Variants in LDLRAD3 observed in about 807,000 individuals in gnomAD.
LDLRAD3 encodes low density lipoprotein receptor class A domain containing 3.
Under a neutral mutation model 29.4 loss-of-function variants are expected in LDLRAD3, and 20 were observed. The ratio of observed to expected loss-of-function variants is 0.68; its 90% CI spans 0.48 to 0.99. LDLRAD3 has a LOEUF of 0.99. Ranked by LOEUF, LDLRAD3 falls within the 50% of genes least tolerant of loss-of-function variation. The probability of loss-of-function intolerance (pLI) is 0.00; values close to 1 mark genes in which losing one functional copy is unlikely to be tolerated. For missense variants in LDLRAD3, 420 were observed against 454.3 expected (o/e 0.92, Z 0.69); for synonymous variants, 157 against 192.7 (o/e 0.81, Z 1.53).
intron 3 of LDLRAD3, among the ~76,000 whole-genome samples, chr11:36,096,267 C>T (rs1853359660): frequency 6.6e-6 from 1 of 152,224 alleles, no homozygotes; most frequent in African/African-American, 2.4e-5. Context: ...GTCCTTGCAG[C>T]TGTGATCTCT....
chr11:36,214,058 C>G (rs112524817), intron 4 of LDLRAD3, among the ~76,000 whole-genome samples: 3 of 152,308 alleles, frequency 2.0e-5, no homozygotes, highest in African/African-American at 7.2e-5. Context: ...CCCGCTGTCC[C>G]TTCATTAAAT....
intron 4 of LDLRAD3, among the ~76,000 whole-genome samples, chr11:36,165,581 G>T (rs1162307562): frequency 6.6e-6 from 1 of 152,052 alleles, no homozygotes; most frequent in Non-Finnish European, 1.5e-5. Flanking sequence ...GGCAAGAAAT[G>T]GTATCTAATT....
At chr11:35,986,116 A>T (rs929943248) in intron 1 of LDLRAD3, among the ~76,000 whole-genome samples, 1 of 152,126 alleles carries the variant, frequency 6.6e-6, no homozygotes, top group Non-Finnish European at 1.5e-5. Flanking sequence ...ATCCAGGAAG[A>T]TCCAGATCCA....
intron 2 of LDLRAD3, among the ~76,000 whole-genome samples, chr11:36,071,960 G>A (rs1387558486): frequency 7.2e-5 from 11 of 152,188 alleles, no homozygotes; most frequent in Admixed American, 7.2e-4. Context: ...CCACGTGGTG[G>A]CAATTTGTTA....
At chr11:36,079,878 A>T (rs1565208231) in intron 2 of LDLRAD3, among the ~76,000 whole-genome samples, 2 of 152,224 alleles carry the variant, frequency 1.3e-5, no homozygotes, top group African/African-American at 4.8e-5. Flanking sequence ...AGGAAACTGA[A>T]GTCCACCAAA....
intron 4 of LDLRAD3, among the ~76,000 whole-genome samples, chr11:36,121,272 T>C (rs1252273955): frequency 6.6e-6 from 1 of 151,782 alleles, no homozygotes; most frequent in African/African-American, 2.4e-5. Flanking sequence ...TTTGCCTAAG[T>C]GAGAGTGATG....
chr11:36,079,194 C>T (rs1179592842), intron 2 of LDLRAD3, among the ~76,000 whole-genome samples: 1 of 152,226 alleles, frequency 6.6e-6, no homozygotes, highest in Non-Finnish European at 1.5e-5. Context: ...GCCATCAGTA[C>T]TATAGATACT....
chr11:36,174,676 C>G (rs1029741746), intron 4 of LDLRAD3, among the ~76,000 whole-genome samples: 1 of 152,192 alleles, frequency 6.6e-6, no homozygotes, highest in Admixed American at 6.5e-5. Flanking sequence ...TACCATCTCA[C>G]ACCAGTTAGA....
At chr11:36,154,953 C>G (rs947077947) in intron 4 of LDLRAD3, among the ~76,000 whole-genome samples, 10 of 152,152 alleles carry the variant, frequency 6.6e-5, no homozygotes, top group Non-Finnish European at 1.0e-4. Flanking sequence ...CCTTCCTGTC[C>G]TCTTTCCTTG....
intron 4 of LDLRAD3, among the ~76,000 whole-genome samples, chr11:36,162,836 C>T (rs893274974): frequency 1.3e-5 from 2 of 152,154 alleles, no homozygotes; most frequent in Non-Finnish European, 2.9e-5. Flanking sequence ...TTGCAGCTTC[C>T]CCCATCCCCT....
chr11:36,126,229 C>G (rs1457144570), intron 4 of LDLRAD3, among the ~76,000 whole-genome samples: 1 of 152,150 alleles, frequency 6.6e-6, no homozygotes, highest in African/African-American at 2.4e-5. Flanking sequence ...TGCCCGCCCC[C>G]TCATCACCTA....
chr11:36,100,147 C>G (rs1031245375), intron 4 of LDLRAD3, among the ~76,000 whole-genome samples: 1 of 152,056 alleles, frequency 6.6e-6, no homozygotes, highest in Admixed American at 6.5e-5. Flanking sequence ...CAGCCATCGG[C>G]GTTTTACTTA....
At chr11:36,031,929 A>G (rs1029492479) in intron 1 of LDLRAD3, among the ~76,000 whole-genome samples, 1 of 152,168 alleles carries the variant, frequency 6.6e-6, no homozygotes, top group African/African-American at 2.4e-5. Flanking sequence ...TTGTTTTCCC[A>G]CAGTGCTGGA....
At chr11:36,180,516 G>A (rs1590335740) in intron 4 of LDLRAD3, among the ~76,000 whole-genome samples, 1 of 152,258 alleles carries the variant, frequency 6.6e-6, no homozygotes, top group East Asian at 1.9e-4. Flanking sequence ...GGCGGGAGCT[G>A]GGGACAGCTG....
intron 1 of LDLRAD3, among the ~76,000 whole-genome samples, chr11:36,010,980 T>A (rs1355117665): frequency 1.3e-5 from 2 of 152,088 alleles, no homozygotes; most frequent in African/African-American, 4.8e-5. Context: ...TGATTTTGTA[T>A]TTTTAGTAGA....
At chr11:36,217,030 T>C (rs947079426) in intron 4 of LDLRAD3, among the ~76,000 whole-genome samples, 1 of 152,196 alleles carries the variant, frequency 6.6e-6, no homozygotes, top group African/African-American at 2.4e-5. Flanking sequence ...GTAAGTTACT[T>C]AACCTCTCTG....
intron 4 of LDLRAD3, among the ~76,000 whole-genome samples, chr11:36,131,223 G>A (rs1029762264): frequency 5.9e-5 from 9 of 152,218 alleles, no homozygotes; most frequent in Non-Finnish European, 1.0e-4. Flanking sequence ...GTGCTTAAAC[G>A]AGCTGTCTTG....
intron 1 of LDLRAD3, among the ~76,000 whole-genome samples, chr11:35,998,464 C>G (rs543348357): frequency 7.9e-5 from 12 of 152,338 alleles, no homozygotes; most frequent in African/African-American, 2.2e-4. Context: ...CTTTGTCAGG[C>G]TTGTGTGCTC....
intron 4 of LDLRAD3, among the ~76,000 whole-genome samples, chr11:36,114,806 C>T (rs1853652401): frequency 6.6e-6 from 1 of 152,152 alleles, no homozygotes; most frequent in South Asian, 2.1e-4. Context: ...TCCCTTTCCC[C>T]TATCCACAGC....
Sources: allele counts gnomAD v4.1 joint callset (sites outside exome capture counted in the v4.1 genomes callset), GRCh38; gene constraint gnomAD v4.1.1; transcripts MANE v1.5; gene names NCBI Gene and HGNC (gene_info 2026-07-23, HGNC 2026-07-21).